ATMIN: variants seen among roughly 807,000 people sequenced by gnomAD.
The protein encoded by ATMIN is ATM interactor.
Under a neutral mutation model 49.2 loss-of-function variants are expected in ATMIN, and 24 were observed. The observed-to-expected ratio is 0.49, with a 90% CI of 0.35 to 0.69. ATMIN has a LOEUF of 0.69. Ranked by LOEUF, ATMIN falls within the 30% of genes least tolerant of loss-of-function variation. The probability of loss-of-function intolerance (pLI) is 0.00; values close to 1 mark genes in which losing one functional copy is unlikely to be tolerated. For synonymous variants in ATMIN, 450 were observed against 392.5 expected, an observed-to-expected ratio of 1.15 and a Z score of -1.73; for missense variants, 1,037 against 1,005.5, an observed-to-expected ratio of 1.03 and a Z score of -0.42.
At position 81,046,920 on chromosome 16, in the gene ATMIN, G is replaced by A. The variant is rs2151742519; in HGVS notation, c.*1950G>A. On this transcript the variant is annotated 3_prime_UTR_variant, in exon 4 of 4. Coordinates refer to ENST00000299575, the MANE Select transcript of ATMIN (RefSeq NM_015251.3). Reference sequence around the variant, plus strand: ...TTTGGTCACAGTTGCCTATGAGTGTGGGTTTCAAAAGAAACATAAAGCCTT... The same window carrying A: ...TTTGGTCACAGTTGCCTATGAGTGTAGGTTTCAAAAGAAACATAAAGCCTT... The A allele has an allele frequency of 6.6e-6, 1 of 152,622 alleles. No homozygotes were observed. The highest frequency in any genetic ancestry group is 1.9e-4 in the East Asian group (1 of 5,188). 9.5% of individuals were successfully genotyped at this position (152,622 alleles called of 1,614,324 possible).
intron 1 of ATMIN, among the ~76,000 whole-genome samples, chr16:81,038,130 G>A (rs1970975943): frequency 6.6e-6 from 1 of 150,736 alleles, no homozygotes. Flanking sequence ...AATTATGTTG[G>A]GTTTTTTTTG....
chr16:81,046,507 G>A lies in ATMIN; in HGVS notation c.*1537G>A, dbSNP rs1046780692. The A allele has an allele frequency of 6.6e-6, 1 of 152,024 alleles. No individual in the cohort carries two copies. Among genetic ancestry groups the A allele is most frequent in the African/African-American group, 2.4e-5 (1 of 41,388 alleles). The allele number at this position is 152,024 out of a possible 1,614,324, so 9.4% of individuals were successfully genotyped here. A position where few individuals can be genotyped will look rare whatever the true frequency, so the allele number is the denominator to read the frequency against. On this transcript the variant is annotated 3_prime_UTR_variant, in exon 4 of 4. Coordinates refer to ENST00000299575, the MANE Select transcript of ATMIN (RefSeq NM_015251.3). The stretch of plus-strand genomic sequence containing the variant: ...AAAGAAAACAAGGTGAAGACCTATT[G>A]CTTCAATAATCAAGAATGCTTTGTG...
chr16:81,041,626 T>G (rs1971039166), intron 2 of ATMIN, 145 bp downstream of exon 2: 1 of 1,038,670 alleles, frequency 9.6e-7, no homozygotes, highest in African/African-American at 1.6e-5. Context: ...TAAACCTGAG[T>G]ATGCTGTTAC....
chr16:81,041,930 T>C (rs1246009081), intron 2 of ATMIN, among the ~76,000 whole-genome samples: 1 of 151,722 alleles, frequency 6.6e-6, no homozygotes, highest in Non-Finnish European at 1.5e-5. Context: ...TGGAAGAGAT[T>C]GGCATCTGAA....
chr16:81,043,453 C>T lies in ATMIN; in HGVS notation c.955C>T (p.Pro319Ser). 6.2e-6 allele frequency: 10 copies of T among 1,613,900 alleles called. No homozygotes were observed. Among genetic ancestry groups the T allele is most frequent in the Non-Finnish European group, 8.5e-6 (10 of 1,180,006 alleles). The change falls in exon 4 of 4, where the codon CCT becomes TCT. Residue 319 changes from proline to serine, a missense_variant. Pro to Ser is a moderately conservative substitution (Grantham distance 74, BLOSUM62 -1). Coordinates refer to ENST00000299575, the MANE Select transcript of ATMIN (RefSeq NM_015251.3). ...MQFSVMPVFV[P>S]TADSSAQPVV... ...GTTTTCTGTCATGCCTGTCTTTGTG[C>T]CTACAGCCGACTCCTCAGCCCAGCC...
chr16:81,042,985 C>T (rs556380763), intron 3 of ATMIN, among the ~76,000 whole-genome samples, 176 bp from the exon 4 acceptor site: 4 of 152,204 alleles, frequency 2.6e-5, no homozygotes, highest in African/African-American at 9.6e-5. Context: ...TCTCAAAGTT[C>T]ACCTGCTATA....
chr16:81,036,249 T>A, intron 1 of ATMIN, 43 bp downstream of exon 1: 1 of 1,243,432 alleles, frequency 8.0e-7, no homozygotes. Flanking sequence ...CGGGCCTGGC[T>A]CCAACAAAGC....
In ATMIN at chr16:81,045,628, C is replaced by G. The variant is rs2278024; in HGVS notation, c.*658C>G. ...ATGAACTACTATTGATACCAGCATA[C>G]AAGTGTACAGCACTTTACACACAAG... On this transcript the variant is annotated 3_prime_UTR_variant, in exon 4 of 4. Transcript: ENST00000299575. 0.11 allele frequency: 17,291 copies of G among 152,426 alleles called. 1,079 individuals are homozygous for G. The highest frequency in any genetic ancestry group is 0.2 in the East Asian group (1,033 of 5,166). The allele number at this position is 152,426 out of a possible 1,614,324, so 9.4% of individuals were successfully genotyped here. A position where few individuals can be genotyped will look rare whatever the true frequency, so the allele number is the denominator to read the frequency against.
intron 1 of ATMIN, chr16:81,040,469 A>G (rs991972673): frequency 6.6e-6 from 1 of 152,206 alleles, no homozygotes; most frequent in Non-Finnish European, 1.5e-5. Flanking sequence ...TTACCCAGGC[A>G]TGATAGTTTT....
At chr16:81,041,142 A>G (rs1261918132) in intron 1 of ATMIN, 2 of 485,862 alleles carry the variant, frequency 4.1e-6, no homozygotes, top group Admixed American at 3.9e-5. Flanking sequence ...GTAATGGTCA[A>G]ATGAATGCAG....
Position 81,043,328 on chromosome 16 carries a change from C to G in ATMIN, c.830C>G (p.Ser277Cys), listed in dbSNP as rs1290995477. Residue 277 changes from serine to cysteine, a missense_variant, in exon 4 of 4, where the codon TCT becomes TGT. By Grantham distance (112) the Ser-to-Cys change is moderately radical. Transcript: ENST00000299575. ...LEPSFEDSCG[S>C]NTDKQTLTTP... ...CCATCTTTTGAAGACTCTTGTGGCT[C>G]TAACACTGACAAGCAGACTCTTACA... The G allele has an allele frequency of 6.2e-7, 1 of 1,613,986 alleles. No homozygotes were observed. Among genetic ancestry groups the G allele is most frequent in the African/African-American group, 1.3e-5 (1 of 74,880 alleles).
Position 81,044,153 on chromosome 16 carries a change from C to G in ATMIN, c.1655C>G (p.Pro552Arg). ...CATAGTTTGTTACCTCAGAATGAGC[C>G]TAAGACTTTAAATCAAGATATTGAG... is the stretch of plus-strand genomic sequence containing the variant. ...VTHSLLPQNE[P>R]KTLNQDIEKS... Residue 552 changes from proline (P) to arginine (R), a missense_variant, in exon 4 of 4, where the codon CCT becomes CGT. Transcript: ENST00000299575. 3.1e-6 allele frequency: 5 copies of G among 1,614,126 alleles called. No individual in the cohort carries two copies. The highest frequency in any genetic ancestry group is 4.2e-6 in the Non-Finnish European group (5 of 1,180,008).
In ATMIN at chr16:81,043,451, T is replaced by A. The variant is rs752528451; in HGVS notation, c.953T>A (p.Val318Glu). ...VMQFSVMPVF[V>E]PTADSSAQPV... ...CAGTTTTCTGTCATGCCTGTCTTTGTGCCTACAGCCGACTCCTCAGCCCAG... is the reference window on the plus strand; with the variant it reads ...CAGTTTTCTGTCATGCCTGTCTTTGAGCCTACAGCCGACTCCTCAGCCCAG... The change falls in exon 4 of 4, where the codon GTG becomes GAG. Residue 318 changes from valine (V) to glutamate (E), a missense_variant. Coordinates refer to ENST00000299575, the MANE Select transcript of ATMIN (RefSeq NM_015251.3). 6.2e-7 allele frequency: 1 copy of A among 1,614,024 alleles called. No individual in the cohort carries two copies. Among genetic ancestry groups the A allele is most frequent in the African/African-American group, 1.3e-5 (1 of 74,914 alleles).
At chr16:81,039,830 A>G (rs1381736487) in intron 1 of ATMIN, among the ~76,000 whole-genome samples, 3 of 152,160 alleles carry the variant, frequency 2.0e-5, no homozygotes, top group African/African-American at 4.8e-5. Context: ...TTTGCCAGAA[A>G]TTTTTTAAGG....
intron 1 of ATMIN, among the ~76,000 whole-genome samples, chr16:81,037,728 G>T (rs1206835545): frequency 6.6e-6 from 1 of 151,446 alleles, no homozygotes; most frequent in Non-Finnish European, 1.5e-5. Flanking sequence ...CTCTGCCTCC[G>T]GGGTTCAAGC....
chr16:81,044,205 T>C lies in ATMIN; in HGVS notation c.1707T>C (p.Ser569=), dbSNP rs145721902. The C allele has an allele frequency of 1.5e-5, 25 of 1,614,050 alleles. No homozygotes were observed. The South Asian group carries it at 2.4e-4, about 16-fold the overall frequency. ...IEKSAPIINF[S]AQNSMLPSQN... ...AATCTGCACCAATTATAAATTTCAG[T>C]GCACAGAATAGTATGCTTCCTTCAC... is the stretch of plus-strand genomic sequence containing the variant. Residue 569 remains serine, a synonymous_variant, in exon 4 of 4, where the codon AGT becomes AGC. Coordinates refer to ENST00000299575, the MANE Select transcript of ATMIN (RefSeq NM_015251.3).
At chr16:81,042,237 C>G in intron 2 of ATMIN, 44 bp from the exon 3 acceptor site, 1 of 1,557,440 alleles carries the variant, frequency 6.4e-7, no homozygotes, top group Non-Finnish European at 8.8e-7. Context: ...AATGTTTTGA[C>G]CAGTTGCTGT....
intron 1 of ATMIN, chr16:81,037,125 C>T (rs1167815162): frequency 1.0e-6 from 1 of 966,322 alleles, no homozygotes; most frequent in Non-Finnish European, 1.2e-6. Context: ...CCAGCCCCAC[C>T]CCGGACCTGT....
At chr16:81,041,991 G>A (rs1971044328) in intron 2 of ATMIN, among the ~76,000 whole-genome samples, 1 of 152,170 alleles carries the variant, frequency 6.6e-6, no homozygotes. Context: ...GCATTGTAAA[G>A]ACATTTTTTT....
Sources: gnomAD v4.1 joint callset for allele counts (sites outside exome capture counted in the v4.1 genomes callset) on GRCh38, gnomAD v4.1.1 for gene constraint, MANE v1.5 for transcripts, NCBI Gene and HGNC (gene_info 2026-07-23, HGNC 2026-07-21) for gene names.